The following ESYT2 variants were observed in gnomAD, a reference collection of about 807,000 sequenced individuals.
ESYT2 encodes the protein extended synaptotagmin 2, also known as extended synaptotagmin-2.
ESYT2 carries 54 observed loss-of-function variants against 107.2 expected under a neutral mutation model. That is an observed-to-expected ratio of 0.50 (90% CI 0.40 to 0.63). ESYT2 has a LOEUF of 0.63. ESYT2 is among the 30% of genes least tolerant of loss of function. The pLI is 0.00. For missense variants in ESYT2, 1,020 were observed against 1,094.5 expected (o/e 0.93, Z 0.96); for synonymous variants, 491 against 434.1 (o/e 1.13, Z -1.63).
intron 11 of ESYT2, among the ~76,000 whole-genome samples, chr7:158,760,935 A>G (rs1425205178): frequency 6.6e-6 from 1 of 152,244 alleles, no homozygotes; most frequent in Non-Finnish European, 1.5e-5. Context: ...GCAGAATTCA[A>G]CACTTTTGTT....
chr7:158,748,108 ATACAC>A, intron 16 of ESYT2, 81 bp downstream of exon 16: 2 of 1,237,416 alleles, frequency 1.6e-6, no homozygotes, highest in Non-Finnish European at 2.3e-6. Context: ...CCCCAGGTGT[ATACAC>A]GGGTCACAAC....
intron 6 of ESYT2, among the ~76,000 whole-genome samples, chr7:158,782,463 A>G (rs533964863): frequency 1.0e-3 from 154 of 150,248 alleles, no homozygotes; most frequent in Non-Finnish European, 1.3e-3. Flanking sequence ...CAAGTGAGTG[A>G]ACGAGTGTGA....
intron 19 of ESYT2, among the ~76,000 whole-genome samples, 183 bp downstream of exon 19, chr7:158,738,840 T>C (rs778761696): frequency 2.0e-5 from 3 of 152,348 alleles, no homozygotes; most frequent in Non-Finnish European, 2.9e-5. Context: ...CAAAACGTTG[T>C]CATGTGACAT....
At chr7:158,790,859 C>A (rs1038941897) in intron 4 of ESYT2, among the ~76,000 whole-genome samples, 1 of 152,042 alleles carries the variant, frequency 6.6e-6, no homozygotes, top group East Asian at 1.9e-4. Context: ...ATCCAGGAGG[C>A]GGAGGTTGCA....
intron 6 of ESYT2, among the ~76,000 whole-genome samples, chr7:158,775,746 T>C (rs1468388970): frequency 6.6e-6 from 1 of 152,180 alleles, no homozygotes. Context: ...GAATCAACTT[T>C]TTCCAAATTC....
intron 6 of ESYT2, among the ~76,000 whole-genome samples, chr7:158,787,704 T>A (rs551740137): frequency 6.6e-6 from 1 of 152,350 alleles, no homozygotes; most frequent in East Asian, 1.9e-4. Flanking sequence ...TGAGCAAATA[T>A]CTATAAATCA....
intron 18 of ESYT2, 48 bp from the exon 19 acceptor site, chr7:158,739,169 CG>C: frequency 6.6e-7 from 1 of 1,522,744 alleles, no homozygotes; most frequent in Non-Finnish European, 9.1e-7. Context: ...GACTGGAGAA[CG>C]TTGTGATTCA....
At chr7:158,827,950 C>T (rs1309794598) in intron 1 of ESYT2, among the ~76,000 whole-genome samples, 2 of 152,112 alleles carry the variant, frequency 1.3e-5, no homozygotes, top group African/African-American at 4.8e-5. Flanking sequence ...CTCTTCGTGT[C>T]TATAGTCCAT....
intron 18 of ESYT2, among the ~76,000 whole-genome samples, chr7:158,740,445 T>C (rs1391300930): frequency 6.6e-6 from 1 of 152,226 alleles, no homozygotes; most frequent in Non-Finnish European, 1.5e-5. Flanking sequence ...CCTGTGGTCC[T>C]TGTTAAGCAG....
At chr7:158,801,049 G>A (rs770604724) in intron 1 of ESYT2, among the ~76,000 whole-genome samples, 16 of 152,192 alleles carry the variant, frequency 1.1e-4, no homozygotes, top group South Asian at 2.1e-4. Flanking sequence ...ACACGAGCAC[G>A]GGAGGAGGCG....
rs532086624 is a variant in ESYT2 at position 158,770,220 on chromosome 7, C to T, written c.804-2446G>A. On this transcript the variant is annotated intron_variant, in intron 7 of 22. Transcript: ENST00000275418. The stretch of plus-strand genomic sequence containing the variant: ...AGTTATTTAATATTCACTTTTATAA[C>T]CTAAGGGTTGCCATAGCTGTAATTT... Among the ~76,000 whole-genome samples, 4 of 152,030 alleles carry T rather than the reference C, an allele frequency of 2.6e-5. No homozygotes were observed. The South Asian group carries it at 8.3e-4, about 32-fold the overall frequency.
At chr7:158,802,748 G>A (rs187681845) in intron 1 of ESYT2, among the ~76,000 whole-genome samples, 1 of 152,306 alleles carries the variant, frequency 6.6e-6, no homozygotes, top group East Asian at 1.9e-4. Context: ...GTTTAGATAG[G>A]TAATGTCTGA....
chr7:158,756,515 T>C (rs1204041379), intron 13 of ESYT2, among the ~76,000 whole-genome samples: 1 of 152,198 alleles, frequency 6.6e-6, no homozygotes. Context: ...AATGGGTGAA[T>C]TTCTATCTTC....
At chr7:158,800,233 G>A (rs1323694198) in intron 1 of ESYT2, among the ~76,000 whole-genome samples, 1 of 151,960 alleles carries the variant, frequency 6.6e-6, no homozygotes, top group African/African-American at 2.4e-5. Flanking sequence ...ATTTTTAGTA[G>A]AGATGGGGTT....
chr7:158,757,542 T>C (rs539583223), intron 13 of ESYT2, among the ~76,000 whole-genome samples: 17 of 150,754 alleles, frequency 1.1e-4, no homozygotes, highest in African/African-American at 3.9e-4. Flanking sequence ...ATCCCAGAGC[T>C]CGCGGGACGC....
intron 1 of ESYT2, among the ~76,000 whole-genome samples, chr7:158,828,872 G>A (rs1366282547): frequency 6.7e-6 from 1 of 149,358 alleles, no homozygotes; most frequent in African/African-American, 2.4e-5. Context: ...CGCAGGAACC[G>A]GCCCGGGGGC....
chr7:158,743,330 T>C (rs527899051), intron 17 of ESYT2, among the ~76,000 whole-genome samples, 199 bp downstream of exon 17: 8 of 152,198 alleles, frequency 5.3e-5, no homozygotes, highest in African/African-American at 1.9e-4. Context: ...TATGGCTGAG[T>C]CCCAGCCTTT....
At position 158,732,588 on chromosome 7, in the gene ESYT2, G is replaced by C. The variant is rs1346780411; in HGVS notation, c.*1619C>G. ...ATAAATTGAAACAAAATCAAAATCT[G>C]CTAGAAGGGAGGGTGGGTAGACAGC... On this transcript the variant is annotated 3_prime_UTR_variant, in exon 23 of 23. Transcript: ENST00000275418. 6.6e-6 allele frequency: 1 copy of C among 152,452 alleles called. No individual in the cohort carries two copies. Among genetic ancestry groups the C allele is most frequent in the Non-Finnish European group, 1.5e-5 (1 of 68,030 alleles). 9.4% of individuals were successfully genotyped at this position (152,452 alleles called of 1,614,324 possible).
chr7:158,765,753 G>A (rs1218315804), intron 8 of ESYT2, among the ~76,000 whole-genome samples: 3 of 150,990 alleles, frequency 2.0e-5, no homozygotes, highest in African/African-American at 4.9e-5. Flanking sequence ...ATAAATAAAC[G>A]AACAAAAAAA....
Sources: gnomAD v4.1 joint callset for allele counts (sites outside exome capture counted in the v4.1 genomes callset) on GRCh38, gnomAD v4.1.1 for gene constraint, MANE v1.5 for transcripts, NCBI Gene and HGNC (gene_info 2026-07-23, HGNC 2026-07-21) for gene names.